Variants in NR3C2 observed in about 807,000 individuals in gnomAD.
NR3C2 encodes the protein nuclear receptor subfamily 3 group C member 2, also known as mineralocorticoid receptor.
In NR3C2, 15 loss-of-function variants were observed where a neutral mutation model predicts 86.4. The ratio of observed to expected loss-of-function variants is 0.17; its 90% CI spans 0.12 to 0.27. The LOEUF (loss-of-function observed/expected upper bound fraction) is 0.27, where lower values mean the gene tolerates loss of function less well. NR3C2 is among the 10% of genes least tolerant of loss of function. The pLI is 1.00. For missense variants in NR3C2, 960 were observed against 1,195.6 expected, an observed-to-expected ratio of 0.80 and a Z score of 2.91; for synonymous variants, 458 against 450.5, an observed-to-expected ratio of 1.02 and a Z score of -0.21.
rs1405903039 is a variant in NR3C2 at position 148,435,961 on chromosome 4, A to G, written c.900T>C (p.Pro300=). ...AGCACCTTGAGTTGTTAATATTTGC[A>G]GGGCTAGACACAGAGGATCTCAGAG... ...NVTLRSSVSS[P]ANINNSRCSV... Residue 300 remains proline (P), a synonymous_variant, in exon 2 of 9, where the codon CCT becomes CCC. Transcript: ENST00000358102. The G allele has an allele frequency of 6.2e-7, 1 of 1,614,064 alleles. No homozygotes were observed. The highest frequency in any genetic ancestry group is 1.3e-5 in the African/African-American group (1 of 74,926).
At chr4:148,121,808 T>C (rs1018901602) in intron 6 of NR3C2, among the ~76,000 whole-genome samples, 1 of 152,266 alleles carries the variant, frequency 6.6e-6, no homozygotes, top group South Asian at 2.1e-4. Context: ...GTAACTAAGT[T>C]AATTCATTTT....
intron 4 of NR3C2, among the ~76,000 whole-genome samples, chr4:148,168,137 A>G (rs1281619588): frequency 6.6e-6 from 1 of 152,244 alleles, no homozygotes; most frequent in East Asian, 1.9e-4. Flanking sequence ...GGCAGTCTAT[A>G]TACTTAATCT....
At chr4:148,227,569 A>G (rs1300298758) in intron 3 of NR3C2, among the ~76,000 whole-genome samples, 1 of 152,122 alleles carries the variant, frequency 6.6e-6, no homozygotes, top group Non-Finnish European at 1.5e-5. Context: ...CTTATTTGTA[A>G]CAATTATTAC....
rs1056509680 is a variant in NR3C2 at position 148,303,698 on chromosome 4, CA to C, written c.1758-43582del. On this transcript the variant is annotated intron_variant, in intron 2 of 8. Transcript: ENST00000358102. ...AAACTGGATCTGAGGGATCCAGAGG[CA>C]GACGATAATGGAAGTTAAAAGGCAC... 1.6e-4 allele frequency among the ~76,000 whole-genome samples: 24 copies of C among 152,146 alleles called. No individual in the cohort carries two copies. The South Asian group carries it at 2.1e-3, about 13-fold the overall frequency.
At chr4:148,246,716 T>TA (rs1329771029) in intron 3 of NR3C2, among the ~76,000 whole-genome samples, 1 of 152,062 alleles carries the variant, frequency 6.6e-6, no homozygotes, top group African/African-American at 2.4e-5. Context: ...CACGCCAGGC[T>TA]AATTTTTTGT....
intron 2 of NR3C2, among the ~76,000 whole-genome samples, chr4:148,386,498 G>A (rs1055938904): frequency 6.6e-6 from 1 of 152,166 alleles, no homozygotes; most frequent in Non-Finnish European, 1.5e-5. Flanking sequence ...GAGTCAAACC[G>A]AGTAAACTGT....
At chr4:148,086,462 C>T (rs1377734401) in intron 8 of NR3C2, among the ~76,000 whole-genome samples, 14 of 152,230 alleles carry the variant, frequency 9.2e-5, no homozygotes, top group Admixed American at 5.9e-4. Context: ...TAGCTGGGCG[C>T]GGTGGCTCAC....
intron 4 of NR3C2, among the ~76,000 whole-genome samples, chr4:148,183,782 C>T (rs560148561): frequency 8.5e-5 from 13 of 152,264 alleles, no homozygotes; most frequent in Non-Finnish European, 1.5e-5. Flanking sequence ...AAACTTTGTG[C>T]CCTGTACTGT....
intron 3 of NR3C2, among the ~76,000 whole-genome samples, chr4:148,221,334 A>G (rs17581115): frequency 0.072 from 10,995 of 152,304 alleles, 548 homozygotes; most frequent in Non-Finnish European, 0.11. Context: ...GTGGACGTAC[A>G]ACTCATAGAA....
chr4:148,086,898 T>G (rs892242684), intron 8 of NR3C2, among the ~76,000 whole-genome samples: 3 of 152,148 alleles, frequency 2.0e-5, no homozygotes, highest in Non-Finnish European at 4.4e-5. Context: ...TCACTTCTAT[T>G]CAACATAGTA....
chr4:148,205,277 C>A (rs939779282), intron 3 of NR3C2, among the ~76,000 whole-genome samples: 1 of 152,120 alleles, frequency 6.6e-6, no homozygotes, highest in Non-Finnish European at 1.5e-5. Flanking sequence ...GTTTGTTTTG[C>A]CACATGCACA....
intron 8 of NR3C2, among the ~76,000 whole-genome samples, chr4:148,100,198 A>T (rs1341879389): frequency 1.3e-5 from 2 of 152,230 alleles, no homozygotes; most frequent in Non-Finnish European, 2.9e-5. Flanking sequence ...CCAGTTAAGG[A>T]TTAAAAGAAA....
At chr4:148,120,516 C>T (rs1419977853) in intron 6 of NR3C2, among the ~76,000 whole-genome samples, 2 of 152,206 alleles carry the variant, frequency 1.3e-5, no homozygotes, top group African/African-American at 4.8e-5. Flanking sequence ...GAGAATGTGT[C>T]AGGAGCACTG....
chr4:148,166,934 T>A (rs528845959), intron 4 of NR3C2, among the ~76,000 whole-genome samples: 1 of 152,242 alleles, frequency 6.6e-6, no homozygotes, highest in South Asian at 2.1e-4. Flanking sequence ...CAATTCACAT[T>A]TAAATTGCTA....
chr4:148,305,336 G>GA (rs1445138564), intron 2 of NR3C2, among the ~76,000 whole-genome samples: 1 of 151,990 alleles, frequency 6.6e-6, no homozygotes, highest in Non-Finnish European at 1.5e-5. Context: ...TAAAGACAGT[G>GA]AAAAAAGCAG....
chr4:148,441,983 C>T (rs1446663599), intron 1 of NR3C2, among the ~76,000 whole-genome samples, 177 bp downstream of exon 1: 2 of 152,334 alleles, frequency 1.3e-5, no homozygotes, highest in South Asian at 2.1e-4. Context: ...CAAAATAGTC[C>T]TCTGGCGGCC....
intron 3 of NR3C2, among the ~76,000 whole-genome samples, chr4:148,217,498 T>C (rs1263764775): frequency 6.6e-6 from 1 of 152,220 alleles, no homozygotes; most frequent in East Asian, 1.9e-4. Context: ...TGGAACTCAC[T>C]GGAATGACAT....
intron 2 of NR3C2, among the ~76,000 whole-genome samples, chr4:148,383,863 G>T (rs559445695): frequency 6.6e-6 from 1 of 151,044 alleles, no homozygotes; most frequent in Non-Finnish European, 1.5e-5. Context: ...CAGGAGAATT[G>T]CTTGAATCAG....
At chr4:148,310,373 G>A (rs1237482993) in intron 2 of NR3C2, among the ~76,000 whole-genome samples, 1 of 152,136 alleles carries the variant, frequency 6.6e-6, no homozygotes, top group Non-Finnish European at 1.5e-5. Context: ...CTCATTTTAA[G>A]ATCAACAAAT....
Sources: allele counts gnomAD v4.1 joint callset (sites outside exome capture counted in the v4.1 genomes callset), GRCh38; gene constraint gnomAD v4.1.1; transcripts MANE v1.5; gene names NCBI Gene and HGNC (gene_info 2026-07-23, HGNC 2026-07-21).